The following NOVA2 variants were observed in gnomAD, a reference collection of about 807,000 sequenced individuals.
NOVA2 encodes RNA-binding protein Nova-2.
NOVA2 carries 9 observed loss-of-function variants against 22.5 expected under a neutral mutation model. The observed-to-expected ratio is 0.40, with a 90% CI of 0.24 to 0.70. The LOEUF is 0.70. Among genes scored for constraint, NOVA2 ranks in the 30% least tolerant of loss-of-function variants. NOVA2 has a pLI of 0.38. For missense variants in NOVA2, 383 were observed against 682.8 expected, an observed-to-expected ratio of 0.56 and a Z score of 4.89; for synonymous variants, 318 against 335.2, an observed-to-expected ratio of 0.95 and a Z score of 0.56.
Position 45,973,403 on chromosome 19 carries a change from C to A in NOVA2, c.-52G>T. On this transcript the variant is annotated 5_prime_UTR_variant, in exon 1 of 4. Coordinates refer to ENST00000263257, the MANE Select transcript of NOVA2 (RefSeq NM_002516.4). The stretch of plus-strand genomic sequence containing the variant: ...GCTGCTGCGGCGGCTGCGGCGGCGG[C>A]GGCGGCGGCTGCTGTGGCGGCGGCG... 1 of 454,646 alleles carries A rather than the reference C, an allele frequency of 2.2e-6. No individual in the cohort carries two copies. Among genetic ancestry groups the A allele is most frequent in the Non-Finnish European group, 3.1e-6 (1 of 323,580 alleles). The allele number at this position is 454,646 out of a possible 1,614,324, so 28.2% of individuals were successfully genotyped here. A position where few individuals can be genotyped will look rare whatever the true frequency, so the allele number is the denominator to read the frequency against.
Position 45,973,341 on chromosome 19 carries a change from T to G in NOVA2, c.11A>C (p.Glu4Ala). The change falls in exon 1 of 4, where the codon GAG becomes GCG. Residue 4 changes from glutamate to alanine, a missense_variant. Around this residue, in one of 2 missense-constraint regions of NOVA2, gnomAD observed 349 missense variants for 578.1 expected, o/e 0.60. Transcript: ENST00000263257. Reference sequence around the variant, plus strand: ...GGGCCTCTTGCGGGAATCCGGGGCCTCGGGCTCCATGGGGGGGGCCTGGGG... The same window carrying G: ...GGGCCTCTTGCGGGAATCCGGGGCCGCGGGCTCCATGGGGGGGGCCTGGGG... The part of the protein sequence containing the change: MEP[E>A]APDSRKRPLE... 2 of 1,183,972 alleles carry G rather than the reference T, an allele frequency of 1.7e-6. No homozygotes were observed. Among genetic ancestry groups the G allele is most frequent in the Non-Finnish European group, 1.1e-6 (1 of 940,994 alleles). 73.3% of individuals were successfully genotyped at this position (1,183,972 alleles called of 1,614,324 possible).
intron 1 of NOVA2, among the ~76,000 whole-genome samples, chr19:45,968,449 A>G (rs180932629): frequency 3.3e-5 from 5 of 152,058 alleles, no homozygotes; most frequent in Non-Finnish European, 7.4e-5. Context: ...TGTAGGGATG[A>G]GATGCTGAAA....
At chr19:45,967,780 A>G (rs1018141300) in intron 1 of NOVA2, 1 of 152,114 alleles carries the variant, frequency 6.6e-6, no homozygotes, top group Non-Finnish European at 1.5e-5. Flanking sequence ...TGTCTCTACT[A>G]AAAATACAAA....
chr19:45,939,660 A>AG lies in NOVA2; in HGVS notation c.*202dup. The AG allele has an allele frequency of 1.6e-6, 1 of 628,628 alleles. No homozygotes were observed. The highest frequency in any genetic ancestry group is 2.7e-6 in the Non-Finnish European group (1 of 368,882). The allele number at this position is 628,628 out of a possible 1,614,324, so 38.9% of individuals were successfully genotyped here. A position where few individuals can be genotyped will look rare whatever the true frequency, so the allele number is the denominator to read the frequency against. On this transcript the variant is annotated 3_prime_UTR_variant, in exon 4 of 4. Transcript: ENST00000263257. ...AGGAGGGGTCAGTTCCGGGCTGGGG[A>AG]GGGGGCTTCTGAGCCCCCTTCCCAA...
intron 3 of NOVA2, among the ~76,000 whole-genome samples, chr19:45,941,974 T>C (rs968178766): frequency 6.6e-6 from 1 of 152,172 alleles, no homozygotes; most frequent in African/African-American, 2.4e-5. Context: ...GTACTCTGAC[T>C]TCCAGCCCTG....
At chr19:45,947,736 T>C (rs1478962605) in intron 3 of NOVA2, among the ~76,000 whole-genome samples, 1 of 152,116 alleles carries the variant, frequency 6.6e-6, no homozygotes, top group Non-Finnish European at 1.5e-5. Context: ...CCTCCCAAAG[T>C]ACTGGGATTA....
At chr19:45,957,538 TA>T (rs771237218) in intron 2 of NOVA2, among the ~76,000 whole-genome samples, 394 of 120,114 alleles carry the variant, frequency 3.3e-3, no homozygotes, top group Middle Eastern at 8.8e-3. Flanking sequence ...AATCTCTGTC[TA>T]AAAAAAAAAA....
At chr19:45,945,612 G>A (rs371562455) in intron 3 of NOVA2, among the ~76,000 whole-genome samples, 44 of 152,156 alleles carry the variant, frequency 2.9e-4, no homozygotes, top group East Asian at 1.2e-3. Flanking sequence ...GCCTAGAGCC[G>A]TGTACCTTAA....
rs1183999108 is a variant in NOVA2 at position 45,938,039 on chromosome 19, G to GA, written c.*1823_*1824insT. The GA allele has an allele frequency of 6.6e-6, 1 of 152,202 alleles. No individual in the cohort carries two copies. Among genetic ancestry groups the GA allele is most frequent in the Admixed American group, 6.5e-5 (1 of 15,284 alleles). 9.4% of individuals were successfully genotyped at this position (152,202 alleles called of 1,614,324 possible). On this transcript the variant is annotated 3_prime_UTR_variant, in exon 4 of 4. Transcript: ENST00000263257. ...AAATGGGGGAGAGGGTGGGCATGGG[G>GA]CGCCCCTCCCCCAGAGATGCTGATG... is the stretch of plus-strand genomic sequence containing the variant.
rs1322865198 is a variant in NOVA2, at chr19:45,973,547, G to A, written c.-196C>T. The A allele has an allele frequency of 1.2e-5, 1 of 86,218 alleles. No individual in the cohort carries two copies. Among genetic ancestry groups the A allele is most frequent in the Non-Finnish European group, 2.5e-5 (1 of 40,078 alleles). The allele number at this position is 86,218 out of a possible 1,614,324, so 5.3% of individuals were successfully genotyped here. The stretch of plus-strand genomic sequence containing the variant: ...CGCCGGCGGCCATCATCCTCATGGT[G>A]GGGGGGGGCGGGGGGCGGGGGGCGG... On this transcript the variant is annotated 5_prime_UTR_variant, in exon 1 of 4. Transcript: ENST00000263257.
chr19:45,972,902 C>G (rs1968251543), intron 1 of NOVA2, among the ~76,000 whole-genome samples: 1 of 151,984 alleles, frequency 6.6e-6, no homozygotes, highest in Non-Finnish European at 1.5e-5. Context: ...TCCCCTCCCC[C>G]AGCCAGGACA....
chr19:45,947,475 T>TA (rs1450440157), intron 3 of NOVA2, among the ~76,000 whole-genome samples: 1 of 151,100 alleles, frequency 6.6e-6, no homozygotes, highest in Non-Finnish European at 1.5e-5. Flanking sequence ...CCCTAGTTTT[T>TA]TTTTTTTCTT....
chr19:45,942,157 G>A (rs1212543151), intron 3 of NOVA2, among the ~76,000 whole-genome samples: 1 of 152,152 alleles, frequency 6.6e-6, no homozygotes, highest in African/African-American at 2.4e-5. Flanking sequence ...CTGTTGTTAT[G>A]GGCTGACACT....
chr19:45,960,722 G>A (rs1412806216), intron 2 of NOVA2, among the ~76,000 whole-genome samples: 1 of 152,072 alleles, frequency 6.6e-6, no homozygotes, highest in Non-Finnish European at 1.5e-5. Context: ...TCCTCCAACT[G>A]ACCAGAGGGG....
At position 45,936,788 on chromosome 19, in the gene NOVA2, C is replaced by T. The variant is rs2241373; in HGVS notation, c.*3075G>A. On this transcript the variant is annotated 3_prime_UTR_variant, in exon 4 of 4. Coordinates refer to ENST00000263257, the MANE Select transcript of NOVA2 (RefSeq NM_002516.4). ...AAATGAGAAGGAATAGGGAGATAAT[C>T]CAATGCAGCAAACACTTATTAAGCA... is the stretch of plus-strand genomic sequence containing the variant. The T allele has an allele frequency of 0.65, 98,484 of 151,732 alleles. 32,307 individuals carry two copies. The highest frequency in any genetic ancestry group is 0.67 in the Non-Finnish European group (45,834 of 67,922). The allele number at this position is 151,732 out of a possible 1,614,324, so 9.4% of individuals were successfully genotyped here.
chr19:45,969,416 A>G (rs991032388), intron 1 of NOVA2, among the ~76,000 whole-genome samples: 5 of 144,916 alleles, frequency 3.5e-5, no homozygotes, highest in African/African-American at 1.3e-4. Context: ...CTGAGATGGG[A>G]GCATCACCTG....
chr19:45,958,492 AGT>A (rs553310799), intron 2 of NOVA2, among the ~76,000 whole-genome samples: 250 of 146,708 alleles, frequency 1.7e-3, no homozygotes, highest in African/African-American at 5.3e-3. Context: ...TGTGTGAATG[AGT>A]GTGAGTGTGT....
Position 45,973,437 on chromosome 19 carries a change from T to C in NOVA2, c.-86A>G. On this transcript the variant is annotated 5_prime_UTR_variant, in exon 1 of 4. Transcript: ENST00000263257. Reference sequence around the variant, plus strand: ...CTGCTGTGGCGGCGGCGACGGCTGCTGGGGAGGCTGGGGTTGCGGCGGCGG... The same window carrying C: ...CTGCTGTGGCGGCGGCGACGGCTGCCGGGGAGGCTGGGGTTGCGGCGGCGG... The C allele has an allele frequency of 6.7e-6, 1 of 149,638 alleles. No individual in the cohort carries two copies. The highest frequency in any genetic ancestry group is 1.2e-5 in the Non-Finnish European group (1 of 84,994). 9.3% of individuals were successfully genotyped at this position (149,638 alleles called of 1,614,324 possible).
chr19:45,954,007 G>C, intron 2 of NOVA2, 61 bp from the exon 3 acceptor site: 1 of 1,561,510 alleles, frequency 6.4e-7, no homozygotes, highest in Non-Finnish European at 8.8e-7. Flanking sequence ...ATTCCTGAGA[G>C]ACAGGCCCCA....
Sources: gnomAD v4.1 joint callset for allele counts (sites outside exome capture counted in the v4.1 genomes callset) on GRCh38, gnomAD v4.1.1 for gene constraint, gnomAD v4.1.1 regional missense constraint, MANE v1.5 for transcripts, NCBI Gene and HGNC (gene_info 2026-07-23, HGNC 2026-07-21) for gene names.